The following RRAGD variants were observed in gnomAD, a reference collection of about 807,000 sequenced individuals.
RRAGD encodes Ras related GTP binding D.
RRAGD carries 12 observed loss-of-function variants against 35.5 expected under a neutral mutation model. The observed-to-expected ratio is 0.34, with a 90% confidence interval of 0.22 to 0.55. The LOEUF is 0.55. Ranked by LOEUF, RRAGD falls within the 20% of genes least tolerant of loss-of-function variation. The pLI is 0.91. For missense variants in RRAGD, 324 were observed against 490.1 expected (o/e 0.66, Z 3.20); for synonymous variants, 155 against 178.9 (o/e 0.87, Z 1.07).
chr6:89,401,017 CAG>C (rs1769449768), intron 1 of RRAGD, among the ~76,000 whole-genome samples: 1 of 152,162 alleles, frequency 6.6e-6, no homozygotes, highest in Non-Finnish European at 1.5e-5. Flanking sequence ...CCCCAGCAAT[CAG>C]AGGGGAATAC....
chr6:89,388,868 T>G (rs150845025), intron 1 of RRAGD, among the ~76,000 whole-genome samples: 123 of 152,338 alleles, frequency 8.1e-4, no homozygotes, highest in Admixed American at 1.6e-3. Context: ...TGACAGATCA[T>G]CAGGCACTGG....
chr6:89,378,302 CAA>C (rs761449714), intron 4 of RRAGD, among the ~76,000 whole-genome samples: 6 of 125,694 alleles, frequency 4.8e-5, no homozygotes, highest in African/African-American at 8.3e-5. Context: ...AACTCCGTCT[CAA>C]AAAAAAAAAA....
chr6:89,402,361 A>C (rs1456962097), intron 1 of RRAGD, among the ~76,000 whole-genome samples: 2 of 152,008 alleles, frequency 1.3e-5, no homozygotes, highest in East Asian at 3.9e-4. Flanking sequence ...ATCACTAAGG[A>C]TTTTAAGGGG....
chr6:89,394,817 TAGA>T (rs1769302664), intron 1 of RRAGD, among the ~76,000 whole-genome samples: 1 of 152,086 alleles, frequency 6.6e-6, no homozygotes, highest in South Asian at 2.1e-4. Flanking sequence ...AAAGTGTAGG[TAGA>T]AGGAGAATTT....
intron 6 of RRAGD, among the ~76,000 whole-genome samples, chr6:89,369,329 T>C (rs573565249): frequency 6.6e-6 from 1 of 152,352 alleles, no homozygotes; most frequent in Admixed American, 6.5e-5. Flanking sequence ...AATTTGAATA[T>C]GAGATGTGAG....
chr6:89,402,038 A>T (rs1582523104), intron 1 of RRAGD, among the ~76,000 whole-genome samples: 74 of 78,422 alleles, frequency 9.4e-4, no homozygotes, highest in Admixed American at 1.6e-3. Flanking sequence ...AATCCTAAGG[A>T]TTTTTTTTTT....
rs928146239 is a variant in RRAGD, at chr6:89,365,592, C to G, written c.*2464G>C. On this transcript the variant is annotated 3_prime_UTR_variant, in exon 7 of 7. Transcript: ENST00000369415. ...AATTAAGAAGTCATTGCCACACTTA[C>G]AAAGTTAGAGGCAGTAATCTATATT... 6.6e-6 allele frequency: 1 copy of G among 152,210 alleles called. No individual in the cohort carries two copies. Among genetic ancestry groups the G allele is most frequent in the Non-Finnish European group, 1.5e-5 (1 of 68,038 alleles). 9.4% of individuals were successfully genotyped at this position (152,210 alleles called of 1,614,324 possible).
chr6:89,383,223 G>A (rs542234719), intron 2 of RRAGD, among the ~76,000 whole-genome samples: 2 of 152,292 alleles, frequency 1.3e-5, no homozygotes, highest in South Asian at 4.1e-4. Flanking sequence ...TGTTATTGCT[G>A]TCTTTAACTG....
chr6:89,372,300 A>AG lies in RRAGD; in HGVS notation c.1051+136_1051+137insC, dbSNP rs1768866161. Reference sequence around the variant, plus strand: ...AGGAGCCCGCCCCGCTCTGAACTCCAAGCCAAGAGGGCCTGTGACTGGCAT... The same window carrying AG: ...AGGAGCCCGCCCCGCTCTGAACTCCAGAGCCAAGAGGGCCTGTGACTGGCAT... On this transcript the variant is annotated intron_variant, in intron 6 of 6. Transcript: ENST00000369415. 1.7e-5 allele frequency: 17 copies of AG among 984,884 alleles called. No homozygotes were observed. The South Asian group carries it at 2.7e-4, about 16-fold the overall frequency. 61.0% of individuals were successfully genotyped at this position (984,884 alleles called of 1,614,324 possible).
At chr6:89,381,312 C>T (rs745880482) in intron 2 of RRAGD, among the ~76,000 whole-genome samples, 47 of 152,236 alleles carry the variant, frequency 3.1e-4, no homozygotes, top group Non-Finnish European at 6.0e-4. Context: ...TGCCATCTGC[C>T]CCTTTACAGA....
At chr6:89,389,109 T>G (rs1186954792) in intron 1 of RRAGD, among the ~76,000 whole-genome samples, 1 of 152,182 alleles carries the variant, frequency 6.6e-6, no homozygotes, top group Non-Finnish European at 1.5e-5. Context: ...GGTACAGGTC[T>G]GTGGCCCGGG....
In RRAGD at chr6:89,372,315, G is replaced by A. The variant is rs1212874639; in HGVS notation, c.1051+122C>T. 14 of 1,097,456 alleles carry A rather than the reference G, an allele frequency of 1.3e-5. No individual in the cohort carries two copies. The East Asian group carries it at 3.6e-4, about 28-fold the overall frequency. 68.0% of individuals were successfully genotyped at this position (1,097,456 alleles called of 1,614,324 possible). ...TCTGAACTCCAAGCCAAGAGGGCCTGTGACTGGCATCTGGAAGTTTCGAGG... is the reference window on the plus strand; with the variant it reads ...TCTGAACTCCAAGCCAAGAGGGCCTATGACTGGCATCTGGAAGTTTCGAGG... On this transcript the variant is annotated intron_variant, in intron 6 of 6. Coordinates refer to ENST00000369415, the MANE Select transcript of RRAGD (RefSeq NM_021244.5).
intron 1 of RRAGD, among the ~76,000 whole-genome samples, chr6:89,388,649 A>G (rs1769177234): frequency 1.3e-5 from 2 of 152,204 alleles, no homozygotes; most frequent in Non-Finnish European, 2.9e-5. Context: ...AGTTTTGTGG[A>G]AAACAATTTT....
At chr6:89,376,240 G>A (rs931611907) in intron 5 of RRAGD, among the ~76,000 whole-genome samples, 6 of 152,056 alleles carry the variant, frequency 3.9e-5, no homozygotes, top group Admixed American at 2.0e-4. Flanking sequence ...GGCACGTTAT[G>A]AGCCTAATGA....
At chr6:89,403,452 A>G (rs970836889) in intron 1 of RRAGD, among the ~76,000 whole-genome samples, 1 of 151,978 alleles carries the variant, frequency 6.6e-6, no homozygotes, top group African/African-American at 2.4e-5. Context: ...CAAAAAAAAA[A>G]ACAAAAAACT....
At chr6:89,369,889 A>T (rs1232069388) in intron 6 of RRAGD, among the ~76,000 whole-genome samples, 1 of 152,222 alleles carries the variant, frequency 6.6e-6, no homozygotes, top group Non-Finnish European at 1.5e-5. Context: ...ACATGAACAG[A>T]GACATAAACA....
chr6:89,379,095 A>G (rs932670601), intron 4 of RRAGD, 129 bp downstream of exon 4: 3 of 543,328 alleles, frequency 5.5e-6, no homozygotes, highest in Non-Finnish European at 9.7e-6. Context: ...ACGTAGGAGT[A>G]ATCTTTAAAA....
chr6:89,402,239 G>C (rs1214663755), intron 1 of RRAGD, among the ~76,000 whole-genome samples: 1 of 151,764 alleles, frequency 6.6e-6, no homozygotes, highest in East Asian at 1.9e-4. Context: ...GTAGAGACGA[G>C]GCTTCACCAT....
In RRAGD at chr6:89,411,154, C is replaced by G. The variant is rs1407562836; in HGVS notation, c.148+692G>C. On this transcript the variant is annotated intron_variant, in intron 1 of 6. Coordinates refer to ENST00000369415, the MANE Select transcript of RRAGD (RefSeq NM_021244.5). This position sits in a 1 kb window ranked among gnomAD's most constrained non-coding sequence, Gnocchi z 5.6. ...GCTTCACTATTGAAGCAAAGAATTC[C>G]CCGCCGCGCGCTCACTCCCGGGCAG... Among the ~76,000 whole-genome samples the G allele has an allele frequency of 1.3e-5, 2 of 152,230 alleles. No individual in the cohort carries two copies. The highest frequency in any genetic ancestry group is 2.9e-5 in the Non-Finnish European group (2 of 68,040).
Sources: gnomAD v4.1 joint callset for allele counts (sites outside exome capture counted in the v4.1 genomes callset) on GRCh38, gnomAD v4.1.1 for gene constraint, Gnocchi (gnomAD v3.1) non-coding constraint, MANE v1.5 for transcripts, NCBI Gene and HGNC (gene_info 2026-07-23, HGNC 2026-07-21) for gene names.